ARHGAP44: variants seen among roughly 807,000 people sequenced by gnomAD.
ARHGAP44 encodes the protein Rho GTPase activating protein 44.
Under a neutral mutation model 106.8 loss-of-function variants are expected in ARHGAP44, and 43 were observed. That is an observed-to-expected ratio of 0.40 (90% CI 0.32 to 0.52). The LOEUF (loss-of-function observed/expected upper bound fraction) is 0.52, where lower values mean the gene tolerates loss of function less well. Among genes scored for constraint, ARHGAP44 ranks in the 20% least tolerant of loss-of-function variants. The pLI, the probability that ARHGAP44 is intolerant of heterozygous loss-of-function variation, is 0.48. For synonymous variants in ARHGAP44, 439 were observed against 410.3 expected, an observed-to-expected ratio of 1.07 and a Z score of -0.85; for missense variants, 866 against 1,050.5, an observed-to-expected ratio of 0.82 and a Z score of 2.43.
chr17:12,956,016 G>A (rs1361053551), intron 14 of ARHGAP44, 36 bp downstream of exon 14: 4 of 1,519,978 alleles, frequency 2.6e-6, no homozygotes, highest in Non-Finnish European at 3.6e-6. Context: ...TGGGTGATCA[G>A]GTGGGACTGC....
At chr17:12,913,656 G>A (rs1360798316) in intron 4 of ARHGAP44, among the ~76,000 whole-genome samples, 1 of 140,454 alleles carries the variant, frequency 7.1e-6, no homozygotes, top group African/African-American at 2.9e-5. Context: ...GCTCACGCCT[G>A]TAATCCTAAC....
At chr17:12,820,166 T>C (rs2034724273) in intron 1 of ARHGAP44, among the ~76,000 whole-genome samples, 1 of 152,164 alleles carries the variant, frequency 6.6e-6, no homozygotes, top group African/African-American at 2.4e-5. Flanking sequence ...TGCAGTTGAC[T>C]CTGTCACAAA....
intron 10 of ARHGAP44, among the ~76,000 whole-genome samples, chr17:12,947,791 C>T (rs1325291177): frequency 6.6e-6 from 1 of 152,180 alleles, no homozygotes; most frequent in Non-Finnish European, 1.5e-5. Context: ...TTCCTGTATT[C>T]TGCAGTTGGC....
chr17:12,834,623 G>A (rs1249764390), intron 1 of ARHGAP44, among the ~76,000 whole-genome samples: 10 of 152,160 alleles, frequency 6.6e-5, no homozygotes, highest in Admixed American at 6.5e-4. Flanking sequence ...ATAAAACATA[G>A]TTCCGTTACT....
At chr17:12,790,036 A>C in intron 1 of ARHGAP44, 145 bp downstream of exon 1, 1 of 701,628 alleles carries the variant, frequency 1.4e-6, no homozygotes, top group Non-Finnish European at 2.2e-6. Context: ...CGCCGCTCGC[A>C]GGCGCGACCC....
At chr17:12,939,923 G>A (rs1055850262) in intron 7 of ARHGAP44, among the ~76,000 whole-genome samples, 1 of 152,194 alleles carries the variant, frequency 6.6e-6, no homozygotes, top group South Asian at 2.1e-4. Flanking sequence ...CTTGAATGAT[G>A]TTCTCAGCAA....
chr17:12,894,308 G>GA (rs141952300), intron 1 of ARHGAP44, among the ~76,000 whole-genome samples: 7 of 147,922 alleles, frequency 4.7e-5, no homozygotes, highest in African/African-American at 1.3e-4. Flanking sequence ...AAAGAGAGGG[G>GA]GAGAGAGAGA....
rs148790771 is a variant in ARHGAP44, at chr17:12,916,312, C to T, written c.387+301C>T. ...GACTGCCTTCATCCCCACCTTCCAC[C>T]CATCTCAAGTCTTCAGTGCTGTGAA... is the stretch of plus-strand genomic sequence containing the variant. On this transcript the variant is annotated intron_variant, in intron 5 of 20. Coordinates refer to ENST00000379672, the MANE Select transcript of ARHGAP44 (RefSeq NM_014859.6). Among the ~76,000 whole-genome samples, 625 of 152,266 alleles carry T rather than the reference C, an allele frequency of 4.1e-3. 4 individuals carry two copies. Among genetic ancestry groups the T allele is most frequent in the African/African-American group, 0.014 (575 of 41,546 alleles).
In ARHGAP44 at chr17:12,931,518, A is replaced by G. The variant is rs9904333; in HGVS notation, c.582+2472A>G. Among the ~76,000 whole-genome samples the G allele has an allele frequency of 1.9e-3, 284 of 151,564 alleles. 1 individual carries two copies. The highest frequency in any genetic ancestry group is 6.5e-3 in the African/African-American group (269 of 41,258). ...TTTTTATTTATTTATTTTTTTTGAG[A>G]CGGAGTCTTGCTCTGTCACCCAGGC... On this transcript the variant is annotated intron_variant, in intron 7 of 20. Transcript: ENST00000379672.
chr17:12,949,121 C>A lies in ARHGAP44; in HGVS notation c.862-19C>A, dbSNP rs1408103649. On this transcript the variant is annotated intron_variant, in intron 10 of 20. Coordinates refer to ENST00000379672, the MANE Select transcript of ARHGAP44 (RefSeq NM_014859.6). The surrounding 1 kb of genome is among the most constrained non-coding windows in gnomAD (Gnocchi z 4.1). ...GTACCTTGGAGTTGCTGTGCGCTGA[C>A]CCTCTGTCCTGTTGGTAGGGACTCT... is the stretch of plus-strand genomic sequence containing the variant. 2.6e-6 allele frequency: 4 copies of A among 1,555,102 alleles called. No homozygotes were observed. The highest frequency in any genetic ancestry group is 2.4e-5 in the East Asian group (1 of 41,274).
At chr17:12,868,064 A>G (rs7212724) in intron 1 of ARHGAP44, among the ~76,000 whole-genome samples, 3,517 of 152,278 alleles carry the variant, frequency 0.023, 148 homozygotes, top group African/African-American at 0.079. Flanking sequence ...TTGGGCTGCA[A>G]TTGCAAAGTA....
At chr17:12,989,929 A>G in intron 20 of ARHGAP44, 103 bp from the exon 21 acceptor site, 2 of 1,489,118 alleles carry the variant, frequency 1.3e-6, no homozygotes, top group Non-Finnish European at 1.8e-6. Context: ...TCCCTAGAAT[A>G]GCAGCACCCC....
At chr17:12,932,804 T>C (rs1299764099) in intron 7 of ARHGAP44, among the ~76,000 whole-genome samples, 1 of 152,058 alleles carries the variant, frequency 6.6e-6, no homozygotes. Context: ...ATCTAATTAC[T>C]CTAATTTATT....
intron 13 of ARHGAP44, among the ~76,000 whole-genome samples, chr17:12,954,029 G>A (rs2039063658): frequency 6.6e-6 from 1 of 151,382 alleles, no homozygotes; most frequent in Admixed American, 6.6e-5. Flanking sequence ...CTGGGACTAT[G>A]TGCATGCGCC....
At chr17:12,849,324 G>C (rs551171379) in intron 1 of ARHGAP44, among the ~76,000 whole-genome samples, 1 of 151,852 alleles carries the variant, frequency 6.6e-6, no homozygotes, top group South Asian at 2.1e-4. Flanking sequence ...ACCTATCCCT[G>C]TTCCTCTTCA....
chr17:12,962,540 C>G (rs757058587), intron 16 of ARHGAP44, among the ~76,000 whole-genome samples: 2 of 152,178 alleles, frequency 1.3e-5, no homozygotes, highest in South Asian at 2.1e-4. Flanking sequence ...AAGGTGGGCT[C>G]TACATGACAT....
chr17:12,815,283 C>G (rs2034566141), intron 1 of ARHGAP44, among the ~76,000 whole-genome samples: 1 of 152,116 alleles, frequency 6.6e-6, no homozygotes, highest in African/African-American at 2.4e-5. Flanking sequence ...ACACGGCTGT[C>G]TACTGTATTT....
chr17:12,896,134 A>G (rs1197854231), intron 2 of ARHGAP44, among the ~76,000 whole-genome samples: 2 of 150,410 alleles, frequency 1.3e-5, no homozygotes, highest in East Asian at 2.0e-4. Flanking sequence ...GGGGAGGGAT[A>G]GCATTAGGAG....
chr17:12,832,055 C>T (rs926756088), intron 1 of ARHGAP44, among the ~76,000 whole-genome samples: 4 of 152,138 alleles, frequency 2.6e-5, no homozygotes, highest in African/African-American at 7.2e-5. Flanking sequence ...TCTCTTTGCC[C>T]ACTGCCCAGA....
Sources: allele counts gnomAD v4.1 joint callset (sites outside exome capture counted in the v4.1 genomes callset), GRCh38; gene constraint gnomAD v4.1.1; non-coding constraint Gnocchi (gnomAD v3.1); transcripts MANE v1.5; gene names NCBI Gene and HGNC (gene_info 2026-07-23, HGNC 2026-07-21).